The following PIAS1 variants were observed in gnomAD, a reference collection of about 807,000 sequenced individuals.
PIAS1 encodes E3 SUMO-protein ligase PIAS1.
PIAS1 carries 6 observed loss-of-function variants against 71.3 expected under a neutral mutation model. The ratio of observed to expected loss-of-function variants is 0.08; its 90% CI spans 0.05 to 0.17. The LOEUF is 0.17. Ranked by LOEUF, PIAS1 falls within the 10% of genes least tolerant of loss-of-function variation. The probability of loss-of-function intolerance (pLI) is 1.00; values close to 1 mark genes in which losing one functional copy is unlikely to be tolerated. For synonymous variants in PIAS1, 303 were observed against 292.9 expected (o/e 1.03, Z -0.35); for missense variants, 555 against 793.6 (o/e 0.70, Z 3.61).
intron 1 of PIAS1, among the ~76,000 whole-genome samples, chr15:68,069,636 A>T (rs1420972826): frequency 1.3e-5 from 2 of 152,030 alleles, no homozygotes; most frequent in African/African-American, 2.4e-5. Context: ...CCGCGTCTCT[A>T]CTAAAAATAC....
chr15:68,111,795 AAG>A (rs2092525045), intron 2 of PIAS1, among the ~76,000 whole-genome samples: 1 of 152,180 alleles, frequency 6.6e-6, no homozygotes, highest in South Asian at 2.1e-4. Context: ...TGAATAAACT[AAG>A]GGGGAATATT....
At chr15:68,143,482 A>C (rs951092437) in intron 4 of PIAS1, among the ~76,000 whole-genome samples, 21 of 152,104 alleles carry the variant, frequency 1.4e-4, no homozygotes, top group Admixed American at 3.9e-4. Flanking sequence ...TTATACCATA[A>C]AACAGTATGA....
intron 7 of PIAS1, among the ~76,000 whole-genome samples, chr15:68,156,147 C>T (rs2092887434): frequency 1.3e-5 from 2 of 152,218 alleles, no homozygotes; most frequent in African/African-American, 2.4e-5. Flanking sequence ...AAACAAGACA[C>T]ATACCATCTC....
chr15:68,082,053 C>T (rs562244785), intron 1 of PIAS1, among the ~76,000 whole-genome samples: 3 of 152,138 alleles, frequency 2.0e-5, no homozygotes, highest in East Asian at 3.9e-4. Context: ...ACACTGGAAG[C>T]CAGAAAACAA....
chr15:68,115,485 A>G, intron 2 of PIAS1, among the ~76,000 whole-genome samples: 1 of 152,114 alleles, frequency 6.6e-6, no homozygotes, highest in Non-Finnish European at 1.5e-5. Context: ...TACATAGGTC[A>G]TATTTTCTAT....
chr15:68,153,627 C>T lies in PIAS1; in HGVS notation c.866C>T (p.Ser289Phe). Residue 289 changes from serine to phenylalanine, a missense_variant, in exon 7 of 14, where the codon TCC (serine) becomes TTC (phenylalanine). By Grantham distance (155) the Ser-to-Phe change is radical. Around this residue, in one of 5 missense-constraint regions of PIAS1, gnomAD observed 134 missense variants for 203.4 expected, o/e 0.66. Transcript: ENST00000249636. ...GCAGTATATCTTGTAAAACAGTTGT[C>T]CTCAACAGTTCTTCTTCAGAGGTTA... ...SMAVYLVKQL[S>F]STVLLQRLRA... 6.3e-7 allele frequency: 1 copy of T among 1,593,954 alleles called. No individual in the cohort carries two copies. Among genetic ancestry groups the T allele is most frequent in the Non-Finnish European group, 8.6e-7 (1 of 1,162,338 alleles).
chr15:68,144,018 C>A (rs2092790473), intron 4 of PIAS1, among the ~76,000 whole-genome samples: 1 of 150,826 alleles, frequency 6.6e-6, no homozygotes, highest in Non-Finnish European at 1.5e-5. Context: ...GTGTGGTCCA[C>A]ATTTTGAAGT....
In PIAS1 at chr15:68,075,016, G is replaced by T. The variant is rs1214424935; in HGVS notation, c.25-11290G>T. Among the ~76,000 whole-genome samples, 5 of 142,376 alleles carry T rather than the reference G, an allele frequency of 3.5e-5. No individual in the cohort carries two copies. The East Asian group carries it at 1.1e-3, about 31-fold the overall frequency. 93.4% of individuals were successfully genotyped at this position (142,376 alleles called of 152,430 possible). On this transcript the variant is annotated intron_variant, in intron 1 of 13. Coordinates refer to ENST00000249636, the MANE Select transcript of PIAS1 (RefSeq NM_016166.3). The stretch of plus-strand genomic sequence containing the variant: ...TTTTCATGAGCCTCACCTTGAAAAT[G>T]AATTTTTATGTACATTAATGGAATT...
chr15:68,187,729 C>T lies in PIAS1; in HGVS notation c.1850C>T (p.Ser617Phe), dbSNP rs750778840. The T allele has an allele frequency of 6.2e-7, 1 of 1,613,896 alleles. No homozygotes were observed. Among genetic ancestry groups the T allele is most frequent in the African/African-American group, 1.3e-5 (1 of 74,934 alleles). The change falls in exon 14 of 14, where the codon TCT becomes TTT. Residue 617 changes from serine (S) to phenylalanine (F), a missense_variant. Physicochemically the swap from Ser to Phe is radical, Grantham distance 155 (BLOSUM62 -2). Transcript: ENST00000249636. The surrounding 1 kb of genome is among the most constrained non-coding windows in gnomAD (Gnocchi z 5.3). Reference protein sequence around the residue: ...SSSGSNSSLVSSNSLRESHSH... With the variant: ...SSSGSNSSLVFSNSLRESHSH... ...AGTGGCAGTAACAGCAGCCTGGTTT[C>T]TTCCAACAGCCTAAGGGAAAGCCAT... is the stretch of plus-strand genomic sequence containing the variant.
At chr15:68,064,562 C>T (rs1024174390) in intron 1 of PIAS1, among the ~76,000 whole-genome samples, 3 of 152,212 alleles carry the variant, frequency 2.0e-5, no homozygotes, top group African/African-American at 7.2e-5. Context: ...TTCATTGATA[C>T]GGTTTCAGAT....
At chr15:68,117,040 A>C (rs990027063) in intron 2 of PIAS1, among the ~76,000 whole-genome samples, 4 of 152,106 alleles carry the variant, frequency 2.6e-5, no homozygotes, top group African/African-American at 9.7e-5. Flanking sequence ...GAGGACATTG[A>C]AAAACCTCCC....
At chr15:68,175,971 T>G (rs773426931) in intron 10 of PIAS1, among the ~76,000 whole-genome samples, 2 of 152,224 alleles carry the variant, frequency 1.3e-5, no homozygotes, top group Non-Finnish European at 2.9e-5. Flanking sequence ...TTTACTGATA[T>G]AAGATTTCAA....
chr15:68,098,368 G>T (rs2092395666), intron 2 of PIAS1, among the ~76,000 whole-genome samples: 1 of 152,108 alleles, frequency 6.6e-6, no homozygotes, highest in Non-Finnish European at 1.5e-5. Flanking sequence ...CATTATAAAG[G>T]TTTTCATACT....
chr15:68,182,425 AGTGTGTGTGTGTGTGTGTGTGT>A (rs10532167), intron 12 of PIAS1, among the ~76,000 whole-genome samples: 32 of 123,340 alleles, frequency 2.6e-4, no homozygotes, highest in Admixed American at 1.1e-3. Flanking sequence ...AGTTACAGCT[AGTGTGTGTGTGTGTGTGTGTGT>A]GTGTGTGTGT....
chr15:68,066,268 C>T (rs2092024777), intron 1 of PIAS1, among the ~76,000 whole-genome samples: 1 of 151,548 alleles, frequency 6.6e-6, no homozygotes, highest in Non-Finnish European at 1.5e-5. Context: ...ACCACTGTGC[C>T]CAGCTAATAT....
At position 68,190,329 on chromosome 15, in the gene PIAS1, T is replaced by C. The variant is rs1806457217; in HGVS notation, c.*2494T>C. The C allele has an allele frequency of 6.6e-6, 1 of 152,226 alleles. No individual in the cohort carries two copies. The highest frequency in any genetic ancestry group is 2.1e-4 in the South Asian group (1 of 4,830). The allele number at this position is 152,226 out of a possible 1,614,324, so 9.4% of individuals were successfully genotyped here. ...GTTTGTTTCCATCAGTTGTTGACTT[T>C]CCAAAATGTTGCATTAAGTAATAGT... On this transcript the variant is annotated 3_prime_UTR_variant, in exon 14 of 14. Transcript: ENST00000249636. This position sits in a 1 kb window ranked among gnomAD's most constrained non-coding sequence, Gnocchi z 4.7.
At chr15:68,149,863 G>A (rs1174042677) in intron 6 of PIAS1, among the ~76,000 whole-genome samples, 1 of 152,018 alleles carries the variant, frequency 6.6e-6, no homozygotes, top group Admixed American at 6.5e-5. Flanking sequence ...TTTGTAAACA[G>A]CGTTAAACAA....
At chr15:68,128,324 G>A (rs918322154) in intron 2 of PIAS1, among the ~76,000 whole-genome samples, 2 of 152,174 alleles carry the variant, frequency 1.3e-5, no homozygotes, top group South Asian at 2.1e-4. Flanking sequence ...GTGCCACGAC[G>A]ACCAGCTAAT....
At chr15:68,114,805 C>A (rs1435721541) in intron 2 of PIAS1, among the ~76,000 whole-genome samples, 1 of 151,206 alleles carries the variant, frequency 6.6e-6, no homozygotes, top group Non-Finnish European at 1.5e-5. Flanking sequence ...TGATCTAGTT[C>A]GTTTCTCTGT....
Sources: allele counts gnomAD v4.1 joint callset (sites outside exome capture counted in the v4.1 genomes callset), GRCh38; gene constraint gnomAD v4.1.1; regional missense constraint gnomAD v4.1.1; non-coding constraint Gnocchi (gnomAD v3.1); transcripts MANE v1.5; gene names NCBI Gene and HGNC (gene_info 2026-07-23, HGNC 2026-07-21).